Variants in CFAP299 observed in about 807,000 individuals in gnomAD.
CFAP299 encodes cilia- and flagella-associated protein 299.
Under a neutral mutation model 27.0 loss-of-function variants are expected in CFAP299, and 21 were observed. The observed-to-expected ratio is 0.78, with a 90% CI of 0.55 to 1.12. CFAP299 has a LOEUF of 1.12. CFAP299 is among the 50% of genes most tolerant of loss of function. The probability of loss-of-function intolerance (pLI) is 0.00; values close to 1 mark genes in which losing one functional copy is unlikely to be tolerated. For synonymous variants in CFAP299, 104 were observed against 98.1 expected (o/e 1.06, Z -0.36); for missense variants, 310 against 276.6 (o/e 1.12, Z -0.86).
At chr4:80,611,997 T>A (rs17004953) in intron 3 of CFAP299, among the ~76,000 whole-genome samples, 8,840 of 152,124 alleles carry the variant, frequency 0.058, 796 homozygotes, top group African/African-American at 0.19. Flanking sequence ...CTGTGTGAAA[T>A]TCACAAATCG....
chr4:80,410,483 C>T (rs1726667409), intron 2 of CFAP299, among the ~76,000 whole-genome samples: 1 of 152,140 alleles, frequency 6.6e-6, no homozygotes, highest in Admixed American at 6.5e-5. Flanking sequence ...AGGATAGAAG[C>T]TAGAATTCAG....
chr4:80,742,831 TA>T (rs1385053573), intron 3 of CFAP299, among the ~76,000 whole-genome samples: 1 of 152,192 alleles, frequency 6.6e-6, no homozygotes, highest in Non-Finnish European at 1.5e-5. Flanking sequence ...AGTTGACATG[TA>T]GACACCCCCA....
chr4:80,630,459 A>T (rs1739149053), intron 3 of CFAP299, among the ~76,000 whole-genome samples: 1 of 152,156 alleles, frequency 6.6e-6, no homozygotes, highest in Non-Finnish European at 1.5e-5. Flanking sequence ...CATATATTTT[A>T]AAAGTTCTGG....
At chr4:80,943,961 G>A (rs1180829511) in intron 4 of CFAP299, among the ~76,000 whole-genome samples, 1 of 152,032 alleles carries the variant, frequency 6.6e-6, no homozygotes, top group Non-Finnish European at 1.5e-5. Context: ...AGCTACTTGG[G>A]AGGCTGAGGC....
At chr4:80,506,282 A>G (rs13112370) in intron 2 of CFAP299, among the ~76,000 whole-genome samples, 23,264 of 152,038 alleles carry the variant, frequency 0.15, 2,671 homozygotes, top group African/African-American at 0.33. Flanking sequence ...TGAAACAGAT[A>G]TCTATATAAA....
intron 2 of CFAP299, among the ~76,000 whole-genome samples, chr4:80,399,445 T>C (rs1199885824): frequency 1.3e-5 from 2 of 152,132 alleles, no homozygotes; most frequent in Non-Finnish European, 2.9e-5. Flanking sequence ...CCAACCCAAA[T>C]GTCCATCAAT....
At chr4:80,590,439 C>A (rs984787256) in intron 3 of CFAP299, among the ~76,000 whole-genome samples, 1 of 152,108 alleles carries the variant, frequency 6.6e-6, no homozygotes, top group Non-Finnish European at 1.5e-5. Flanking sequence ...GAGTTCGAGA[C>A]CAGCCTGACC....
chr4:80,438,088 G>A (rs1418999414), intron 2 of CFAP299, among the ~76,000 whole-genome samples: 1 of 152,162 alleles, frequency 6.6e-6, no homozygotes, highest in Non-Finnish European at 1.5e-5. Flanking sequence ...TGATAAACAA[G>A]ATAAATAAGT....
At chr4:80,583,453 G>A (rs1268820704) in intron 3 of CFAP299, among the ~76,000 whole-genome samples, 1 of 151,842 alleles carries the variant, frequency 6.6e-6, no homozygotes, top group Non-Finnish European at 1.5e-5. Context: ...TCTTTAACCT[G>A]GGTAAACCCT....
At chr4:80,913,412 A>G (rs777282670) in intron 4 of CFAP299, among the ~76,000 whole-genome samples, 1 of 152,316 alleles carries the variant, frequency 6.6e-6, no homozygotes, top group Middle Eastern at 3.4e-3. Context: ...ATACAATACT[A>G]TGAAACCTGA....
intron 3 of CFAP299, among the ~76,000 whole-genome samples, chr4:80,767,705 A>G (rs946191192): frequency 6.6e-6 from 1 of 152,240 alleles, no homozygotes; most frequent in Non-Finnish European, 1.5e-5. Context: ...CTGAAAGGAA[A>G]TCACAGATAG....
At chr4:80,758,388 A>G (rs1725368337) in intron 3 of CFAP299, among the ~76,000 whole-genome samples, 1 of 152,160 alleles carries the variant, frequency 6.6e-6, no homozygotes, top group Non-Finnish European at 1.5e-5. Flanking sequence ...ATAGGCTCCC[A>G]TGTACAGCTG....
chr4:80,658,806 G>A (rs112726339), intron 3 of CFAP299, among the ~76,000 whole-genome samples: 10 of 152,234 alleles, frequency 6.6e-5, no homozygotes, highest in African/African-American at 2.4e-4. Flanking sequence ...TGACAAGTGT[G>A]TTGAAAAGAA....
intron 2 of CFAP299, among the ~76,000 whole-genome samples, chr4:80,548,477 G>A (rs1363060595): frequency 6.6e-6 from 1 of 152,088 alleles, no homozygotes; most frequent in Admixed American, 6.6e-5. Flanking sequence ...CGTATGTCAA[G>A]CCTTAGTGAC....
chr4:80,625,685 G>A (rs1738851036), intron 3 of CFAP299, among the ~76,000 whole-genome samples: 1 of 151,978 alleles, frequency 6.6e-6, no homozygotes, highest in South Asian at 2.1e-4. Flanking sequence ...AAAGTGAAGG[G>A]CTGGAGAAAA....
chr4:80,940,009 C>A (rs954439160), intron 4 of CFAP299, among the ~76,000 whole-genome samples: 7 of 152,126 alleles, frequency 4.6e-5, no homozygotes, highest in Non-Finnish European at 7.4e-5. Flanking sequence ...CCCAGTCCTG[C>A]AGAGTTGAGC....
rs548366072 is a variant in CFAP299 at position 80,905,373 on chromosome 4, C to G, written c.476+35238C>G. ...TAGTGAGTTTGACCATAAACATGGACTGTCTTCTGATTCCTTTTCCTCAAC... is the reference window on the plus strand; with the variant it reads ...TAGTGAGTTTGACCATAAACATGGAGTGTCTTCTGATTCCTTTTCCTCAAC... On this transcript the variant is annotated intron_variant, in intron 4 of 5. Coordinates refer to ENST00000358105, the MANE Select transcript of CFAP299 (RefSeq NM_152770.3). Among the ~76,000 whole-genome samples the G allele has an allele frequency of 1.1e-3, 169 of 152,302 alleles. 2 individuals are homozygous for G. The highest frequency in any genetic ancestry group is 0.011 in the Admixed American group (167 of 15,272).
At chr4:80,916,962 A>T (rs77253742) in intron 4 of CFAP299, among the ~76,000 whole-genome samples, 17,821 of 152,106 alleles carry the variant, frequency 0.12, 2,309 homozygotes, top group African/African-American at 0.32. Context: ...TACTCAATAG[A>T]GGTAAGCACA....
intron 2 of CFAP299, among the ~76,000 whole-genome samples, chr4:80,436,297 C>CTTTTTTTTTTTTTTTT (rs781551098): frequency 7.3e-6 from 1 of 136,430 alleles, no homozygotes; most frequent in African/African-American, 2.7e-5. Flanking sequence ...TGTGGGATAT[C>CTTTTTTTTTTTTTTTT]TTTTTTTTTT....
Sources: gnomAD v4.1 joint callset for allele counts (sites outside exome capture counted in the v4.1 genomes callset) on GRCh38, gnomAD v4.1.1 for gene constraint, MANE v1.5 for transcripts, NCBI Gene and HGNC (gene_info 2026-07-23, HGNC 2026-07-21) for gene names.